AFDN: variants seen among roughly 807,000 people sequenced by gnomAD.
AFDN encodes afadin.
In AFDN, 68 loss-of-function variants were observed where a neutral mutation model predicts 216.6. The ratio of observed to expected loss-of-function variants is 0.31; its 90% CI spans 0.26 to 0.38. AFDN has a LOEUF of 0.38. Among genes scored for constraint, AFDN ranks in the 10% least tolerant of loss-of-function variants. AFDN has a pLI of 1.00. For missense variants in AFDN, 2,136 were observed against 2,342.0 expected (o/e 0.91, Z 1.82); for synonymous variants, 868 against 853.7 (o/e 1.02, Z -0.29).
intron 2 of AFDN, among the ~76,000 whole-genome samples, chr6:167,868,903 C>G (rs1309957147): frequency 1.3e-5 from 2 of 151,564 alleles, no homozygotes; most frequent in Non-Finnish European, 2.9e-5. Flanking sequence ...GCTGGGACTG[C>G]AAGCACACAC....
chr6:167,965,899 C>T lies in AFDN; in HGVS notation c.5111C>T (p.Pro1704Leu), dbSNP rs1444641531. Residue 1704 changes from proline (P) to leucine (L), a missense_variant, in exon 32 of 34, where the codon CCG (proline) becomes CTG (leucine). Pro to Leu is a moderately conservative substitution (Grantham distance 98). Around this residue, in one of 8 missense-constraint regions of AFDN, gnomAD observed 981 missense variants for 966.0 expected, o/e 1.02. Coordinates refer to ENST00000683244, the MANE Select transcript of AFDN (RefSeq NM_001386888.1). ...CCCCGGGACTACGAGCCCCCGTCCC[C>T]GTCCCCCGCGCCCGGCGCCCCTCCT... ...PLPRDYEPPS[P>L]SPAPGAPPPP... 56 of 1,549,446 alleles carry T rather than the reference C, an allele frequency of 3.6e-5. No individual in the cohort carries two copies. The highest frequency in any genetic ancestry group is 2.0e-4 in the East Asian group (8 of 40,892).
chr6:167,945,899 T>C (rs1458540608), intron 26 of AFDN, among the ~76,000 whole-genome samples: 1 of 152,228 alleles, frequency 6.6e-6, no homozygotes, highest in Non-Finnish European at 1.5e-5. Context: ...TTGTTAAATG[T>C]ATACATAGAC....
intron 6 of AFDN, 62 bp from the exon 7 acceptor site, chr6:167,889,153 T>C: frequency 9.1e-7 from 1 of 1,094,502 alleles, no homozygotes; most frequent in Non-Finnish European, 1.4e-6. Context: ...ATGTGTTCTT[T>C]TAAGTACTTG....
At chr6:167,844,704 T>C (rs1370664931) in intron 1 of AFDN, among the ~76,000 whole-genome samples, 1 of 152,218 alleles carries the variant, frequency 6.6e-6, no homozygotes, top group African/African-American at 2.4e-5. Flanking sequence ...CAGTTTATGC[T>C]GCCACTGTTG....
rs917501643 is a variant in AFDN at position 167,924,824 on chromosome 6, T to A, written c.3013-181T>A. ...TTGAGTCAAGAATATCGATTTAGTT[T>A]ACCAGATTAATACCTGAAGAGTATC... On this transcript the variant is annotated intron_variant, in intron 22 of 33. Transcript: ENST00000683244. The A allele has an allele frequency of 7.8e-6, 5 of 641,764 alleles. No homozygotes were observed. The East Asian group carries it at 1.2e-4, about 15-fold the overall frequency. 39.8% of individuals were successfully genotyped at this position (641,764 alleles called of 1,614,324 possible). A position where few individuals can be genotyped will look rare whatever the true frequency, so the allele number is the denominator to read the frequency against.
At chr6:167,936,302 C>T (rs1307046992) in intron 23 of AFDN, among the ~76,000 whole-genome samples, 2 of 152,150 alleles carry the variant, frequency 1.3e-5, no homozygotes, top group Non-Finnish European at 2.9e-5. Context: ...TGGTTGGTAG[C>T]TAACACTTGA....
At chr6:167,954,322 T>C in intron 30 of AFDN, 1 of 565,956 alleles carries the variant, frequency 1.8e-6, no homozygotes, top group Admixed American at 3.9e-5. Flanking sequence ...GTTCTTTACC[T>C]TTCTCATCAA....
At chr6:167,919,029 G>T (rs917451634) in intron 21 of AFDN, 96 bp downstream of exon 21, 3 of 1,046,914 alleles carry the variant, frequency 2.9e-6, no homozygotes, top group African/African-American at 3.2e-5. Context: ...ACTTGTGTGG[G>T]AGTGCACCCT....
intron 11 of AFDN, 72 bp from the exon 12 acceptor site, chr6:167,902,245 T>A (rs1789071411): frequency 9.4e-7 from 1 of 1,063,050 alleles, no homozygotes; most frequent in South Asian, 1.4e-5. Context: ...TTCTTCCTTG[T>A]GTATTAAGAA....
At chr6:167,927,202 TG>T (rs766943795) in intron 23 of AFDN, among the ~76,000 whole-genome samples, 3 of 152,174 alleles carry the variant, frequency 2.0e-5, no homozygotes, top group Non-Finnish European at 2.9e-5. Flanking sequence ...GTAGCGGTTG[TG>T]GAGGGCATCT....
Position 167,951,219 on chromosome 6 carries a change from G to C in AFDN, c.3865G>C (p.Asp1289His). The change falls in exon 30 of 34, where the codon GAT (aspartate) becomes CAT (histidine). Residue 1289 changes from aspartate (D) to histidine (H), a missense_variant. Asp to His is a moderately conservative substitution (Grantham distance 81). This residue lies in a region of AFDN where 981 missense variants were observed against 966.0 expected (regional missense o/e 1.02). Coordinates refer to ENST00000683244, the MANE Select transcript of AFDN (RefSeq NM_001386888.1). This position sits in a 1 kb window ranked among gnomAD's most constrained non-coding sequence, Gnocchi z 7.1. ...ACGTTCCCAAGAAGAACTTCGAGAA[G>C]ATAAAGCTTACCAACTTGAGCGGCA... ...VTRSQEELREDKAYQLERHRI... is the reference protein window; with the variant it reads ...VTRSQEELREHKAYQLERHRI... 1.3e-6 allele frequency: 2 copies of C among 1,587,128 alleles called. No homozygotes were observed. The highest frequency in any genetic ancestry group is 1.2e-5 in the South Asian group (1 of 85,742).
intron 12 of AFDN, among the ~76,000 whole-genome samples, chr6:167,905,034 T>G (rs1789489501): frequency 6.6e-6 from 1 of 152,138 alleles, no homozygotes; most frequent in Admixed American, 6.5e-5. Flanking sequence ...CCTGCCTCTT[T>G]CCTCCCATTG....
intron 1 of AFDN, among the ~76,000 whole-genome samples, chr6:167,860,884 CCATT>C (rs1783486216): frequency 6.6e-6 from 1 of 152,190 alleles, no homozygotes; most frequent in Non-Finnish European, 1.5e-5. Context: ...TCTCATTTAA[CCATT>C]CATTCATTTG....
intron 23 of AFDN, among the ~76,000 whole-genome samples, 182 bp downstream of exon 23, chr6:167,925,273 A>G (rs374450648): frequency 6.6e-6 from 1 of 152,186 alleles, no homozygotes; most frequent in Non-Finnish European, 1.5e-5. Flanking sequence ...ACTGGGCCCA[A>G]TTAGTTGAGG....
intron 32 of AFDN, 91 bp downstream of exon 32, chr6:167,966,136 C>T (rs1054414638): frequency 3.9e-6 from 6 of 1,535,408 alleles, no homozygotes; most frequent in East Asian, 2.4e-5. Context: ...CAGCCACGCC[C>T]GGCCTCCGAT....
chr6:167,942,576 A>G (rs1014501676), intron 23 of AFDN, among the ~76,000 whole-genome samples: 3 of 152,208 alleles, frequency 2.0e-5, no homozygotes, highest in East Asian at 1.9e-4. Context: ...ACAGAATTTT[A>G]TTCTTTCATA....
chr6:167,867,593 C>A (rs1784329442), intron 2 of AFDN, among the ~76,000 whole-genome samples: 2 of 151,950 alleles, frequency 1.3e-5, no homozygotes, highest in Non-Finnish European at 2.9e-5. Context: ...CCACACCTGG[C>A]CAATTTTTTG....
rs1788493273 is a variant in AFDN, at chr6:167,897,988, C to G, written c.1318-217C>G. 2.0e-5 allele frequency among the ~76,000 whole-genome samples: 3 copies of G among 152,056 alleles called. No homozygotes were observed. The South Asian group carries it at 6.2e-4, about 31-fold the overall frequency. ...CAAAGTTACAGTATGCCTTAAGTCA[C>G]TGGGTACTAAAAATAAAAGGTCTGA... On this transcript the variant is annotated intron_variant, in intron 10 of 33. Coordinates refer to ENST00000683244, the MANE Select transcript of AFDN (RefSeq NM_001386888.1).
intron 1 of AFDN, among the ~76,000 whole-genome samples, chr6:167,856,635 G>A (rs1782927515): frequency 1.3e-5 from 2 of 152,072 alleles, no homozygotes; most frequent in Non-Finnish European, 2.9e-5. Context: ...GATGAAATAT[G>A]TAGTTCCTAC....
Sources: allele counts gnomAD v4.1 joint callset (sites outside exome capture counted in the v4.1 genomes callset), GRCh38; gene constraint gnomAD v4.1.1; regional missense constraint gnomAD v4.1.1; non-coding constraint Gnocchi (gnomAD v3.1); transcripts MANE v1.5; gene names NCBI Gene and HGNC (gene_info 2026-07-23, HGNC 2026-07-21).